RPSA2: variants seen among roughly 807,000 people sequenced by gnomAD.
RPSA2 encodes the protein ribosomal protein SA 2, also known as small ribosomal subunit protein uS2B.
chr19:23,790,227 G>C, the RPSA2 span, among the ~76,000 whole-genome samples: 1 of 152,060 alleles, frequency 6.6e-6, no homozygotes, highest in African/African-American at 2.4e-5. Flanking sequence ...TGGCACTTCT[G>C]ACCTCGTGAT....
the RPSA2 span, among the ~76,000 whole-genome samples, chr19:23,837,755 G>T: frequency 2.0e-5 from 3 of 152,042 alleles, no homozygotes; most frequent in Non-Finnish European, 4.4e-5. Flanking sequence ...TCTCCATTTG[G>T]TTGCTGTTGG....
the RPSA2 span, among the ~76,000 whole-genome samples, chr19:23,871,016 C>T: frequency 4.1e-4 from 63 of 152,268 alleles, no homozygotes; most frequent in Admixed American, 4.1e-3. Context: ...AGAATGCTGT[C>T]ATGCAGGCCT....
At chr19:23,822,280 T>C in the RPSA2 span, among the ~76,000 whole-genome samples, 1 of 152,234 alleles carries the variant, frequency 6.6e-6, no homozygotes, top group Non-Finnish European at 1.5e-5. Context: ...TTGGGATCTG[T>C]TTCTGGGAAT....
the RPSA2 span, among the ~76,000 whole-genome samples, chr19:23,803,205 C>A: frequency 1.3e-5 from 2 of 151,746 alleles, no homozygotes; most frequent in African/African-American, 4.8e-5. Context: ...CAACCCTGAT[C>A]AGATTCACCC....
At chr19:23,857,765 G>A in the RPSA2 span, among the ~76,000 whole-genome samples, 1 of 152,034 alleles carries the variant, frequency 6.6e-6, no homozygotes, top group Non-Finnish European at 1.5e-5. Flanking sequence ...AAAGTGCTGG[G>A]ATTGCAGGAG....
At chr19:23,805,982 G>A in the RPSA2 span, among the ~76,000 whole-genome samples, 2 of 150,940 alleles carry the variant, frequency 1.3e-5, no homozygotes, top group African/African-American at 2.4e-5. Flanking sequence ...ATGGATAGGT[G>A]TGGATTATCT....
the RPSA2 span, among the ~76,000 whole-genome samples, chr19:23,840,097 G>GA: frequency 3.4e-5 from 5 of 147,338 alleles, no homozygotes; most frequent in African/African-American, 1.3e-4. Context: ...AGAGAAGAGA[G>GA]AAAAAATGGT....
At chr19:23,851,795 C>T in the RPSA2 span, among the ~76,000 whole-genome samples, 4 of 152,308 alleles carry the variant, frequency 2.6e-5, no homozygotes, top group African/African-American at 9.6e-5. Flanking sequence ...CGAAGGACCA[C>T]CCAATAAGTC....
chr19:23,841,113 A>G, the RPSA2 span, among the ~76,000 whole-genome samples: 1 of 152,154 alleles, frequency 6.6e-6, no homozygotes, highest in African/African-American at 2.4e-5. Flanking sequence ...ATCCTCCAAT[A>G]TGTATCAGCA....
the RPSA2 span, among the ~76,000 whole-genome samples, chr19:23,847,398 G>T: frequency 2.6e-5 from 4 of 152,164 alleles, no homozygotes; most frequent in Non-Finnish European, 5.9e-5. Context: ...GAGAAATAAA[G>T]AGAAAGAGTA....
the RPSA2 span, among the ~76,000 whole-genome samples, chr19:23,769,843 G>T: frequency 2.0e-5 from 3 of 152,102 alleles, no homozygotes; most frequent in South Asian, 6.2e-4. Flanking sequence ...CATATCACTG[G>T]GTCTAACACC....
chr19:23,760,451 T>C, the RPSA2 span, among the ~76,000 whole-genome samples: 2 of 152,084 alleles, frequency 1.3e-5, no homozygotes, highest in Non-Finnish European at 2.9e-5. Context: ...AACGATGATG[T>C]TGACCTCCTT....
the RPSA2 span, among the ~76,000 whole-genome samples, chr19:23,800,215 T>A: frequency 2.9e-5 from 2 of 68,700 alleles, no homozygotes; most frequent in African/African-American, 1.0e-4. Context: ...TTTTATTTTT[T>A]TTTATTTTAG....
chr19:23,810,073 G>C, the RPSA2 span, among the ~76,000 whole-genome samples: 21 of 152,070 alleles, frequency 1.4e-4, no homozygotes, highest in Admixed American at 1.2e-3. Flanking sequence ...TTTGCACAAG[G>C]GTTCACCTTT....
At chr19:23,785,459 A>G in the RPSA2 span, among the ~76,000 whole-genome samples, 6 of 152,150 alleles carry the variant, frequency 3.9e-5, no homozygotes, top group Non-Finnish European at 7.3e-5. Context: ...CTCTGCCCAC[A>G]GAAAAATTAT....
the RPSA2 span, chr19:23,827,740 C>A: frequency 1.3e-6 from 2 of 1,575,298 alleles, no homozygotes; most frequent in African/African-American, 1.3e-5. Flanking sequence ...CCCGTGAACA[C>A]CCATGGGAGG....
At chr19:23,789,751 C>T in the RPSA2 span, among the ~76,000 whole-genome samples, 2 of 151,826 alleles carry the variant, frequency 1.3e-5, no homozygotes, top group Non-Finnish European at 2.9e-5. Context: ...GCTCTGTCAC[C>T]CAGGCTGGAC....
At chr19:23,859,243 A>T in the RPSA2 span, among the ~76,000 whole-genome samples, 3 of 152,226 alleles carry the variant, frequency 2.0e-5, no homozygotes, top group Non-Finnish European at 4.4e-5. Context: ...CAAACATGAC[A>T]TCAAATTATA....
chr19:23,760,383 G>T, the RPSA2 span, among the ~76,000 whole-genome samples: 1 of 151,956 alleles, frequency 6.6e-6, no homozygotes, highest in African/African-American at 2.4e-5. Context: ...GAAGGAAGAG[G>T]GCTTAAGACA....
Sources: allele counts gnomAD v4.1 joint callset (sites outside exome capture counted in the v4.1 genomes callset), GRCh38; gene constraint gnomAD v4.1.1; transcripts MANE v1.5; gene names NCBI Gene and HGNC (gene_info 2026-07-23, HGNC 2026-07-21).